JMJD1C: variants seen among roughly 807,000 people sequenced by gnomAD.
JMJD1C encodes jumonji domain containing 1C.
A neutral mutation model predicts 245.3 loss-of-function variants in JMJD1C; 31 were observed. That is an observed-to-expected ratio of 0.13 (90% CI 0.09 to 0.17). The LOEUF (loss-of-function observed/expected upper bound fraction) is 0.17. JMJD1C is among the 10% of genes least tolerant of loss of function. The pLI, the probability that JMJD1C is intolerant of heterozygous loss-of-function variation, is 1.00. For synonymous variants in JMJD1C, 1,057 were observed against 1,017.4 expected, an observed-to-expected ratio of 1.04 and a Z score of -0.74; for missense variants, 2,691 against 3,000.2, an observed-to-expected ratio of 0.90 and a Z score of 2.41.
intron 24 of JMJD1C, among the ~76,000 whole-genome samples, chr10:63,173,627 T>TG (rs1842602196): frequency 6.6e-6 from 1 of 151,750 alleles, no homozygotes; most frequent in East Asian, 1.9e-4. Context: ...GAGGGTGTGG[T>TG]GGGGGGATCA....
At chr10:63,240,562 T>C (rs1019661161) in intron 3 of JMJD1C, among the ~76,000 whole-genome samples, 2 of 152,112 alleles carry the variant, frequency 1.3e-5, no homozygotes, top group Non-Finnish European at 2.9e-5. Flanking sequence ...GAAGATATTA[T>C]TGGGAAGCAA....
rs1054634725 is a variant in JMJD1C at position 63,274,580 on chromosome 10, A to G, written c.334-9816T>C. ...ACTCAGTCTCAAAAAAAAAAACAAA[A>G]AAGTTTTTAACATTAATAACTCCAT... On this transcript the variant is annotated intron_variant, in intron 2 of 25. Transcript: ENST00000399262. Among the ~76,000 whole-genome samples the G allele has an allele frequency of 6.5e-4, 99 of 152,100 alleles. 1 individual carries two copies. The highest frequency in any genetic ancestry group is 2.3e-3 in the African/African-American group (95 of 41,428).
chr10:63,448,160 A>T (rs960178044), intron 1 of JMJD1C, among the ~76,000 whole-genome samples: 5 of 152,094 alleles, frequency 3.3e-5, no homozygotes, highest in South Asian at 2.1e-4. Context: ...ATTTTATTTT[A>T]ATTTTATTTT....
chr10:63,334,650 G>A (rs1942504545), intron 2 of JMJD1C, among the ~76,000 whole-genome samples: 2 of 152,030 alleles, frequency 1.3e-5, no homozygotes, highest in African/African-American at 2.4e-5. Context: ...GAGCCCAAGA[G>A]GTGGAGGTTG....
intron 2 of JMJD1C, among the ~76,000 whole-genome samples, chr10:63,313,079 C>T (rs912606474): frequency 6.6e-6 from 1 of 152,110 alleles, no homozygotes; most frequent in Non-Finnish European, 1.5e-5. Context: ...AATTTGTAGT[C>T]TTTTATCACT....
chr10:63,509,228 T>A (rs1349160863), intron 1 of JMJD1C, among the ~76,000 whole-genome samples: 1 of 152,252 alleles, frequency 6.6e-6, no homozygotes, highest in African/African-American at 2.4e-5. Flanking sequence ...TAGATTACAC[T>A]AACTGATTAT....
chr10:63,211,941 G>A (rs1235478067), intron 8 of JMJD1C, among the ~76,000 whole-genome samples: 1 of 151,624 alleles, frequency 6.6e-6, no homozygotes, highest in Non-Finnish European at 1.5e-5. Flanking sequence ...ACTGACAGAT[G>A]AATGGAGAAA....
intron 1 of JMJD1C, among the ~76,000 whole-genome samples, chr10:63,427,085 T>C (rs963248002): frequency 1.3e-5 from 2 of 152,200 alleles, no homozygotes; most frequent in Non-Finnish European, 2.9e-5. Flanking sequence ...TCCACACTTA[T>C]AACAGCATTT....
chr10:63,290,419 G>A (rs1254525666), intron 2 of JMJD1C, among the ~76,000 whole-genome samples: 1 of 152,106 alleles, frequency 6.6e-6, no homozygotes. Flanking sequence ...AAATTAGTCA[G>A]GCGTGGTGGC....
intron 1 of JMJD1C, among the ~76,000 whole-genome samples, chr10:63,397,715 C>A (rs1339094020): frequency 1.3e-5 from 2 of 151,842 alleles, no homozygotes; most frequent in Non-Finnish European, 2.9e-5. Context: ...TTATTTTTTT[C>A]TAGACACAAG....
At chr10:63,197,298 C>A in intron 13 of JMJD1C, 113 bp downstream of exon 13, 1 of 871,046 alleles carries the variant, frequency 1.1e-6, no homozygotes. Context: ...AAAAAAAATA[C>A]TTAATACATT....
intron 2 of JMJD1C, among the ~76,000 whole-genome samples, chr10:63,356,706 G>A (rs1242079717): frequency 6.6e-6 from 1 of 152,158 alleles, no homozygotes; most frequent in African/African-American, 2.4e-5. Flanking sequence ...TGTTTACCCA[G>A]AAAGAAGGAA....
intron 2 of JMJD1C, among the ~76,000 whole-genome samples, chr10:63,302,968 C>T (rs928065186): frequency 6.6e-6 from 1 of 152,158 alleles, no homozygotes; most frequent in African/African-American, 2.4e-5. Flanking sequence ...ACTGTAACCT[C>T]GAACTCTTGG....
At chr10:63,300,522 T>C (rs1013101790) in intron 2 of JMJD1C, among the ~76,000 whole-genome samples, 3 of 152,248 alleles carry the variant, frequency 2.0e-5, no homozygotes, top group East Asian at 1.9e-4. Flanking sequence ...AAATCTTTGC[T>C]GTTTCTTTGT....
At chr10:63,238,111 G>T (rs893247660) in intron 3 of JMJD1C, among the ~76,000 whole-genome samples, 15 of 148,830 alleles carry the variant, frequency 1.0e-4, no homozygotes, top group Admixed American at 2.0e-4. Context: ...AACCTGGGAG[G>T]TGGAGGTTGC....
chr10:63,387,736 T>C (rs1486512451), intron 1 of JMJD1C, among the ~76,000 whole-genome samples: 1 of 139,300 alleles, frequency 7.2e-6, no homozygotes, highest in African/African-American at 2.6e-5. Flanking sequence ...CCTGGGTTCC[T>C]GCCATTCTCC....
chr10:63,480,510 A>G (rs1277509165), intron 1 of JMJD1C, among the ~76,000 whole-genome samples: 1 of 151,912 alleles, frequency 6.6e-6, no homozygotes, highest in Non-Finnish European at 1.5e-5. Flanking sequence ...AAGCCAACAC[A>G]ACTCCAGGGA....
chr10:63,412,047 CACCA>C (rs1451945893), intron 1 of JMJD1C, among the ~76,000 whole-genome samples: 4 of 151,804 alleles, frequency 2.6e-5, no homozygotes, highest in African/African-American at 9.7e-5. Flanking sequence ...AGGCTTGAAC[CACCA>C]TGCCCAGCCA....
At chr10:63,466,398 A>AC (rs1224846836), upstream of JMJD1C, 1 of 152,706 alleles carries the variant, frequency 6.5e-6, no homozygotes, top group African/African-American at 2.4e-5. Flanking sequence ...TCCCGCAGTA[A>AC]CAGCAGCAGA....
Sources: gnomAD v4.1 joint callset for allele counts (sites outside exome capture counted in the v4.1 genomes callset) on GRCh38, gnomAD v4.1.1 for gene constraint, MANE v1.5 for transcripts, NCBI Gene and HGNC (gene_info 2026-07-23, HGNC 2026-07-21) for gene names.